The following NUP210 variants were observed in gnomAD, a reference collection of about 807,000 sequenced individuals.
NUP210 encodes the protein nuclear pore membrane glycoprotein 210.
In NUP210, 151 loss-of-function variants were observed where a neutral mutation model predicts 196.0. That is an observed-to-expected ratio of 0.77 (90% CI 0.67 to 0.88). NUP210 has a LOEUF of 0.88. Ranked by LOEUF, NUP210 falls within the 40% of genes least tolerant of loss-of-function variation. NUP210 has a pLI of 0.00. For missense variants in NUP210, 2,314 were observed against 2,493.7 expected (o/e 0.93, Z 1.53); for synonymous variants, 1,070 against 1,052.7 (o/e 1.02, Z -0.32).
intron 16 of NUP210, chr3:13,354,520 C>G (rs1698101318): frequency 5.8e-6 from 1 of 172,122 alleles, no homozygotes; most frequent in African/African-American, 2.4e-5. Context: ...AGCTGGGAAC[C>G]ACCATCCTGA....
chr3:13,318,959 G>T, intron 39 of NUP210, 113 bp downstream of exon 39: 3 of 1,032,398 alleles, frequency 2.9e-6, no homozygotes, highest in Non-Finnish European at 4.2e-6. Flanking sequence ...AGGCTCCTTT[G>T]GCCCAGGCAA....
rs1031764431 is a variant in NUP210 at position 13,347,207 on chromosome 3, GC to G, written c.2836-3905del. On this transcript the variant is annotated intron_variant, in intron 20 of 39. Transcript: ENST00000254508. This position sits in a 1 kb window ranked among gnomAD's most constrained non-coding sequence, Gnocchi z 4.7. Reference sequence around the variant, plus strand: ...CACAGCTGCGGCTCACAGGAGCTGGGCCCCCCGGCTTCATTCCCTCCTGAAT... The same window carrying G: ...CACAGCTGCGGCTCACAGGAGCTGGGCCCCCGGCTTCATTCCCTCCTGAAT... The G allele has an allele frequency of 2.0e-6, 2 of 985,206 alleles. No homozygotes were observed. The highest frequency in any genetic ancestry group is 2.4e-6 in the Non-Finnish European group (2 of 829,892). The allele number at this position is 985,206 out of a possible 1,614,324, so 61.0% of individuals were successfully genotyped here.
Position 13,327,344 on chromosome 3 carries a change from G to A in NUP210, c.4380C>T (p.Asp1460=), listed in dbSNP as rs112936332. 18 of 1,613,400 alleles carry A rather than the reference G, an allele frequency of 1.1e-5. No individual in the cohort carries two copies. Among genetic ancestry groups the A allele is most frequent in the South Asian group, 5.5e-5 (5 of 91,082 alleles). The change falls in exon 32 of 40, where the codon GAC becomes GAT. Residue 1460 remains aspartate (D), a synonymous_variant. Coordinates refer to ENST00000254508, the MANE Select transcript of NUP210 (RefSeq NM_024923.4). ...SVGLTLLRVW[D]AEHPGLSDFM... ...AGTCCGAGAGGCCCGGGTGCTCTGC[G>A]TCCCACACACGGAGCAGTGTCAGGC...
intron 26 of NUP210, among the ~76,000 whole-genome samples, chr3:13,337,561 C>A (rs1462147914): frequency 1.3e-5 from 2 of 152,214 alleles, no homozygotes; most frequent in Non-Finnish European, 2.9e-5. Flanking sequence ...CAAGACAGCA[C>A]GGAGTTGAGT....
chr3:13,327,395 G>A lies in NUP210; in HGVS notation c.4329C>T (p.Thr1443=), dbSNP rs147598643. The A allele has an allele frequency of 1.9e-6, 3 of 1,613,216 alleles. No homozygotes were observed. Among genetic ancestry groups the A allele is most frequent in the African/African-American group, 1.3e-5 (1 of 75,042 alleles). The change falls in exon 32 of 40, where the codon ACC becomes ACT. Residue 1443 remains threonine, a synonymous_variant. Coordinates refer to ENST00000254508, the MANE Select transcript of NUP210 (RefSeq NM_024923.4). ...CCACGCTGACTGTGCGGACAACGCAGGTGTTGTTGGTGGGGCCCTTCCCGA... is the reference window on the plus strand; with the variant it reads ...CCACGCTGACTGTGCGGACAACGCAAGTGTTGTTGGTGGGGCCCTTCCCGA... ...VQIGKGPTNN[T]CVVRTVSVGL...
chr3:13,330,357 T>C, intron 30 of NUP210, 103 bp downstream of exon 30: 2 of 1,144,328 alleles, frequency 1.7e-6, no homozygotes, highest in Non-Finnish European at 2.5e-6. Flanking sequence ...TGTCTACAGT[T>C]TCTTAGCTGG....
chr3:13,359,724 G>T (rs78591684), intron 15 of NUP210, among the ~76,000 whole-genome samples: 7 of 152,232 alleles, frequency 4.6e-5, no homozygotes, highest in African/African-American at 1.7e-4. Context: ...GCCCCAAGGC[G>T]CCTGAACAGC....
rs1697230404 is a variant in NUP210 at position 13,336,724 on chromosome 3, C to A, written c.3684+63G>T. On this transcript the variant is annotated intron_variant, in intron 27 of 39. Coordinates refer to ENST00000254508, the MANE Select transcript of NUP210 (RefSeq NM_024923.4). Reference sequence around the variant, plus strand: ...GACAATGTGGCAGGAACCCTCCCTGCCACTCGGGGTGCTGGCCTGGGACAG... The same window carrying A: ...GACAATGTGGCAGGAACCCTCCCTGACACTCGGGGTGCTGGCCTGGGACAG... 19 of 1,555,716 alleles carry A rather than the reference C, an allele frequency of 1.2e-5. No homozygotes were observed. In the South Asian group the frequency reaches 2.1e-4, roughly 17 times the overall value.
chr3:13,382,989 A>C (rs1287443789), intron 6 of NUP210, among the ~76,000 whole-genome samples: 4 of 152,104 alleles, frequency 2.6e-5, no homozygotes, highest in African/African-American at 9.7e-5. Flanking sequence ...CTATTAAAAA[A>C]AAAAAATTAG....
intron 1 of NUP210, among the ~76,000 whole-genome samples, chr3:13,419,490 G>C (rs1254177539): frequency 1.3e-5 from 2 of 152,194 alleles, no homozygotes; most frequent in Admixed American, 6.5e-5. Context: ...GCAGCCTGAG[G>C]GGAAGCGCCG....
chr3:13,399,799 G>A lies in NUP210; in HGVS notation c.230C>T (p.Ser77Phe). Residue 77 changes from serine (S) to phenylalanine (F), a missense_variant, in exon 2 of 40, where the codon TCC (serine) becomes TTC (phenylalanine). By Grantham distance (155) the Ser-to-Phe change is radical. Transcript: ENST00000254508. ...EPLGLDEQQC[S>F]QKAVVQARLT... The stretch of plus-strand genomic sequence containing the variant: ...GCGGGCCTGCACCACTGCCTTCTGG[G>A]AGCACTGCTGCTCGTCCAGGCCCAG... The A allele has an allele frequency of 2.5e-6, 4 of 1,613,852 alleles. No individual in the cohort carries two copies. In the South Asian group the frequency reaches 4.4e-5, roughly 18 times the overall value.
At chr3:13,388,911 A>G (rs1401451175) in intron 4 of NUP210, among the ~76,000 whole-genome samples, 4 of 152,172 alleles carry the variant, frequency 2.6e-5, no homozygotes, top group Non-Finnish European at 4.4e-5. Context: ...GCTCTGGGGA[A>G]CGATTCTCCA....
At chr3:13,368,358 T>C (rs548495853) in intron 13 of NUP210, among the ~76,000 whole-genome samples, 75 of 152,362 alleles carry the variant, frequency 4.9e-4, no homozygotes, top group Non-Finnish European at 9.1e-4. Context: ...ATTAAGGGCA[T>C]GGGCCACCGT....
intron 1 of NUP210, among the ~76,000 whole-genome samples, chr3:13,410,217 G>C (rs904964701): frequency 2.0e-5 from 3 of 149,638 alleles, no homozygotes; most frequent in Non-Finnish European, 4.4e-5. Flanking sequence ...TTTCACTCTT[G>C]TTGCCCAGGC....
rs1318267785 is a variant in NUP210 at position 13,330,493 on chromosome 3, A to G, written c.4077T>C (p.Phe1359=). 6.2e-7 allele frequency: 1 copy of G among 1,614,086 alleles called. No individual in the cohort carries two copies. Among genetic ancestry groups the G allele is most frequent in the African/African-American group, 1.3e-5 (1 of 74,950 alleles). ...STIEVIAQEP[F]GANQTIIVAV... is the part of the protein sequence containing the mutation. Reference sequence around the variant, plus strand: ...CAACAATGATGGTTTGGTTGGCCCCAAAGGGCTCTTGTGCAATCACTTCGA... The same window carrying G: ...CAACAATGATGGTTTGGTTGGCCCCGAAGGGCTCTTGTGCAATCACTTCGA... The change falls in exon 30 of 40, where the codon TTT becomes TTC. Residue 1359 remains phenylalanine (F), a synonymous_variant. Coordinates refer to ENST00000254508, the MANE Select transcript of NUP210 (RefSeq NM_024923.4).
At chr3:13,417,996 T>A (rs533163709) in intron 1 of NUP210, among the ~76,000 whole-genome samples, 15 of 152,286 alleles carry the variant, frequency 9.8e-5, no homozygotes, top group African/African-American at 3.4e-4. Context: ...CACAAATATA[T>A]CCAAAGGGAT....
Position 13,339,889 on chromosome 3 carries a change from C to T in NUP210, c.3436G>A (p.Asp1146Asn). The change falls in exon 25 of 40, where the codon GAT (aspartate) becomes AAT (asparagine). Residue 1146 changes from aspartate (D) to asparagine (N), a missense_variant. Asp to Asn is a conservative substitution (Grantham distance 23, BLOSUM62 1). Coordinates refer to ENST00000254508, the MANE Select transcript of NUP210 (RefSeq NM_024923.4). ...GTVSGLVQAV[D>N]AETGKVVIIS... Reference sequence around the variant, plus strand: ...ATGACCACCTTGCCGGTCTCTGCATCCACTGCCTGCACGAGCCCAGACACA... The same window carrying T: ...ATGACCACCTTGCCGGTCTCTGCATTCACTGCCTGCACGAGCCCAGACACA... 2.5e-6 allele frequency: 4 copies of T among 1,613,950 alleles called. No homozygotes were observed. Among genetic ancestry groups the T allele is most frequent in the Non-Finnish European group, 3.4e-6 (4 of 1,180,036 alleles).
intron 3 of NUP210, among the ~76,000 whole-genome samples, chr3:13,394,678 A>G (rs1224018507): frequency 6.6e-6 from 1 of 152,180 alleles, no homozygotes; most frequent in African/African-American, 2.4e-5. Flanking sequence ...TAAGCACAAT[A>G]AGACATTGTA....
At chr3:13,398,177 C>T (rs576414166) in intron 2 of NUP210, among the ~76,000 whole-genome samples, 35 of 152,314 alleles carry the variant, frequency 2.3e-4, no homozygotes, top group South Asian at 6.2e-4. Context: ...TGGTGGCTCA[C>T]GTCTGTAATC....
Sources: gnomAD v4.1 joint callset for allele counts (sites outside exome capture counted in the v4.1 genomes callset) on GRCh38, gnomAD v4.1.1 for gene constraint, Gnocchi (gnomAD v3.1) non-coding constraint, MANE v1.5 for transcripts, NCBI Gene and HGNC (gene_info 2026-07-23, HGNC 2026-07-21) for gene names.